Variants in TCF7 observed in about 807,000 individuals in gnomAD.
TCF7 encodes the protein transcription factor 7, also known as T-cell-factor-7.
A neutral mutation model predicts 46.8 loss-of-function variants in TCF7; 19 were observed. The ratio of observed to expected loss-of-function variants is 0.41; its 90% CI spans 0.28 to 0.60. TCF7 has a LOEUF of 0.60. Ranked by LOEUF, TCF7 falls within the 20% of genes least tolerant of loss-of-function variation. TCF7 has a pLI of 0.35. For missense variants in TCF7, 547 were observed against 504.6 expected (o/e 1.08, Z -0.81); for synonymous variants, 245 against 213.4 (o/e 1.15, Z -1.29).
intron 3 of TCF7, among the ~76,000 whole-genome samples, chr5:134,136,525 A>G (rs1475113370): frequency 6.6e-6 from 1 of 152,096 alleles, no homozygotes; most frequent in Non-Finnish European, 1.5e-5. Context: ...ATGTGAGGAA[A>G]GATGCCAGCA....
intron 9 of TCF7, chr5:134,145,004 C>T (rs1470566796): frequency 2.6e-6 from 2 of 766,090 alleles, no homozygotes; most frequent in Non-Finnish European, 4.6e-6. Flanking sequence ...GGAGCCCAGG[C>T]CTCCTGAGAA....
intron 3 of TCF7, chr5:134,123,736 AT>A (rs746377653): frequency 6.6e-6 from 3 of 456,350 alleles, no homozygotes; most frequent in South Asian, 4.6e-5. Context: ...TGATGGGCGC[AT>A]GCAGCATGTT....
chr5:134,145,202 C>G (rs906237013), intron 9 of TCF7: 5 of 584,216 alleles, frequency 8.6e-6, no homozygotes, highest in South Asian at 1.4e-5. Flanking sequence ...GCCTGGAGCC[C>G]ATTCTACCAG....
intron 3 of TCF7, among the ~76,000 whole-genome samples, chr5:134,117,896 A>T (rs1756046548): frequency 6.6e-6 from 1 of 152,202 alleles, no homozygotes; most frequent in African/African-American, 2.4e-5. Flanking sequence ...ACGGGCTGTG[A>T]CACTGGCTCT....
rs1257955465 is a variant in TCF7, at chr5:134,147,027, T to TAAA, written c.*727_*729dup. On this transcript the variant is annotated 3_prime_UTR_variant, in exon 10 of 10. Transcript: ENST00000342854. ...TAAGGAAATGGAGAAGCTCTGTTTA[T>TAAA]AAAAACAAAAACAAAACCAGCTGCT... 1 of 158,908 alleles carries TAAA rather than the reference T, an allele frequency of 6.3e-6. No homozygotes were observed. The highest frequency in any genetic ancestry group is 1.4e-5 in the Non-Finnish European group (1 of 72,950). The allele number at this position is 158,908 out of a possible 1,614,324, so 9.8% of individuals were successfully genotyped here.
rs1755618377 is a variant in TCF7, at chr5:134,115,130, G to C, written c.224G>C (p.Gly75Ala). ...GAGIPGVPGA[G>A]AGARGEAEAL... ...GGGATCCCGGGGGTCCCGGGGGCCG[G>C]CGCCGGGGCCCGCGGCGAGGCCGAG... is the stretch of plus-strand genomic sequence containing the variant. The change falls in exon 1 of 10, where the codon GGC (glycine) becomes GCC (alanine). Residue 75 changes from glycine to alanine, a missense_variant. Transcript: ENST00000342854. 1 of 1,014,848 alleles carries C rather than the reference G, an allele frequency of 9.9e-7. No homozygotes were observed. The highest frequency in any genetic ancestry group is 8.4e-5 in the East Asian group (1 of 11,886). The allele number at this position is 1,014,848 out of a possible 1,614,324, so 62.9% of individuals were successfully genotyped here.
chr5:134,123,835 G>A (rs775855318), intron 3 of TCF7: 37 of 456,306 alleles, frequency 8.1e-5, no homozygotes, highest in Non-Finnish European at 1.5e-4. Context: ...AGCTGCTGGG[G>A]CAGGGTGGAT....
chr5:134,145,107 G>T, intron 9 of TCF7: 1 of 644,110 alleles, frequency 1.6e-6, no homozygotes, highest in Non-Finnish European at 2.9e-6. Flanking sequence ...TTCCAGAAAG[G>T]AAGGACAGAC....
chr5:134,108,400 T>C, the TCF7 span, among the ~76,000 whole-genome samples: 2 of 152,088 alleles, frequency 1.3e-5, no homozygotes, highest in African/African-American at 4.8e-5. Flanking sequence ...GAGAATCCAT[T>C]TGGGCAGGCG....
chr5:134,121,762 G>C lies in TCF7; in HGVS notation c.441+5729G>C, dbSNP rs76008770. Reference sequence around the variant, plus strand: ...GGCTGCCTTCTTTCCCAGTGTGAATGATGTTCTGTACACATCACTCTTTCG... The same window carrying C: ...GGCTGCCTTCTTTCCCAGTGTGAATCATGTTCTGTACACATCACTCTTTCG... On this transcript the variant is annotated intron_variant, in intron 3 of 9. Transcript: ENST00000342854. Among the ~76,000 whole-genome samples the C allele has an allele frequency of 5.5e-3, 831 of 152,252 alleles. 5 individuals are homozygous for C. Among genetic ancestry groups the C allele is most frequent in the African/African-American group, 0.019 (798 of 41,526 alleles).
chr5:134,144,312 C>T, intron 9 of TCF7: 1 of 168,640 alleles, frequency 5.9e-6, no homozygotes, highest in Non-Finnish European at 1.3e-5. Context: ...TAGGCCCTTC[C>T]TTCCATCTGC....
intron 4 of TCF7, chr5:134,138,665 G>A (rs1238437993): frequency 1.0e-5 from 4 of 398,836 alleles, no homozygotes; most frequent in Non-Finnish European, 1.8e-5. Flanking sequence ...GGAGTCCCCC[G>A]AGCAGAGATG....
intron 5 of TCF7, chr5:134,141,411 G>GC (rs78584566): frequency 0.12 from 17,767 of 152,398 alleles, 1,431 homozygotes; most frequent in African/African-American, 0.22. Flanking sequence ...CAGACTCAGT[G>GC]CAAATATGCA....
At chr5:134,113,066 C>T (rs998169622), upstream of TCF7, among the ~76,000 whole-genome samples, 6 of 152,192 alleles carry the variant, frequency 3.9e-5, no homozygotes, top group African/African-American at 9.6e-5. Context: ...GTTGAGGTGG[C>T]GGAGGCTCTG....
Position 134,115,980 on chromosome 5 carries a change from C to G in TCF7, c.388C>G (p.His130Asp). 6.2e-7 allele frequency: 1 copy of G among 1,613,980 alleles called. No individual in the cohort carries two copies. Among genetic ancestry groups the G allele is most frequent in the Non-Finnish European group, 8.5e-7 (1 of 1,180,012 alleles). Residue 130 changes from histidine to aspartate, a missense_variant, in exon 3 of 10, where the codon CAT (histidine) becomes GAT (aspartate). Physicochemically the swap from His to Asp is moderately conservative, Grantham distance 81. Coordinates refer to ENST00000342854, the MANE Select transcript of TCF7 (RefSeq NM_003202.5). ...CTACTCCGCCTTCAATCTGCTCATG[C>G]ATTACCCACCCCCCTCGGGAGCAGG... ...TVYSAFNLLM[H>D]YPPPSGAGQH... is the part of the protein sequence containing the mutation.
At chr5:134,120,590 G>A (rs764284518) in intron 3 of TCF7, among the ~76,000 whole-genome samples, 3 of 151,970 alleles carry the variant, frequency 2.0e-5, no homozygotes, top group Non-Finnish European at 4.4e-5. Context: ...GCTTCCCTCC[G>A]CTCGGAAGTC....
chr5:134,127,518 C>T (rs1468651210), intron 3 of TCF7, among the ~76,000 whole-genome samples: 2 of 152,236 alleles, frequency 1.3e-5, no homozygotes, highest in South Asian at 2.1e-4. Flanking sequence ...GCCAGGCACC[C>T]TCCTCTGTGT....
chr5:134,129,584 TA>T (rs1417063050), intron 3 of TCF7, among the ~76,000 whole-genome samples: 1 of 152,170 alleles, frequency 6.6e-6, no homozygotes, highest in Non-Finnish European at 1.5e-5. Context: ...TATTTTCCTC[TA>T]AAAACATCCT....
Position 134,115,172 on chromosome 5 carries a change from G to T in TCF7, c.249+17G>T, listed in dbSNP as rs1223879257. ...GAGGCCGAGGTGAGCCCCCGCCGGC[G>T]CCGGCTCCTCCCCCGCGGTCGCCGC... On this transcript the variant is annotated intron_variant, in intron 1 of 9. Coordinates refer to ENST00000342854, the MANE Select transcript of TCF7 (RefSeq NM_003202.5). 2 of 1,041,824 alleles carry T rather than the reference G, an allele frequency of 1.9e-6. No individual in the cohort carries two copies. Among genetic ancestry groups the T allele is most frequent in the African/African-American group, 1.7e-5 (1 of 57,770 alleles). The allele number at this position is 1,041,824 out of a possible 1,614,324, so 64.5% of individuals were successfully genotyped here.
Sources: allele counts gnomAD v4.1 joint callset (sites outside exome capture counted in the v4.1 genomes callset), GRCh38; gene constraint gnomAD v4.1.1; transcripts MANE v1.5; gene names NCBI Gene and HGNC (gene_info 2026-07-23, HGNC 2026-07-21).